Variants in WDSUB1 observed in about 807,000 individuals in gnomAD.
The protein encoded by WDSUB1 is WD repeat, sterile alpha motif and U-box domain containing 1, also known as WD repeat, SAM and U-box domain-containing protein 1.
A neutral mutation model predicts 53.9 loss-of-function variants in WDSUB1; 49 were observed. That is an observed-to-expected ratio of 0.91 (90% confidence interval 0.72 to 1.15). WDSUB1 has a LOEUF of 1.15. Among genes scored for constraint, WDSUB1 ranks in the 50% most tolerant of loss-of-function variants. The pLI is 0.00. For synonymous variants in WDSUB1, 194 were observed against 200.6 expected (o/e 0.97, Z 0.28); for missense variants, 514 against 562.0 (o/e 0.91, Z 0.86).
chr2:159,271,352 T>C (rs571757531), intron 5 of WDSUB1, among the ~76,000 whole-genome samples: 11 of 152,258 alleles, frequency 7.2e-5, no homozygotes, highest in African/African-American at 2.4e-4. Context: ...ATCCATGCCA[T>C]GGAATATTAC....
rs184839656 is a variant in WDSUB1 at position 159,278,589 on chromosome 2, G to A, written c.583+1172C>T. 5.3e-5 allele frequency among the ~76,000 whole-genome samples: 8 copies of A among 152,296 alleles called. No homozygotes were observed. In the East Asian group the frequency reaches 1.5e-3, roughly 29 times the overall value. ...TTTAATGCAGGGGTTAAGATCAGGA[G>A]AGACTTATCTTTAGTGATTTTCAGC... On this transcript the variant is annotated intron_variant, in intron 3 of 10. Coordinates refer to ENST00000359774, the MANE Select transcript of WDSUB1 (RefSeq NM_001128212.3).
Position 159,248,474 on chromosome 2 carries a change from C to G in WDSUB1, c.1171G>C (p.Glu391Gln). Residue 391 changes from glutamate (E) to glutamine (Q), a missense_variant, in exon 10 of 11, where the codon GAA becomes CAA. Glu to Gln is a conservative substitution (Grantham distance 29). Coordinates refer to ENST00000359774, the MANE Select transcript of WDSUB1 (RefSeq NM_001128212.3). ...GATTTAACCTTGGTCCTGAGCTCTT[C>G]AATTTTCCTCAGCACTTTACTACGC... ...GLRSKVLRKI[E>Q]ELRTKVKSLS... The G allele has an allele frequency of 6.3e-7, 1 of 1,577,630 alleles. No individual in the cohort carries two copies. Among genetic ancestry groups the G allele is most frequent in the Non-Finnish European group, 8.6e-7 (1 of 1,168,026 alleles).
intron 3 of WDSUB1, among the ~76,000 whole-genome samples, chr2:159,278,357 C>T (rs1409799033): frequency 6.6e-6 from 1 of 152,176 alleles, no homozygotes; most frequent in Non-Finnish European, 1.5e-5. Context: ...AGGAATCTTA[C>T]TCATCAATCT....
At chr2:159,281,431 T>C (rs886593169) in intron 2 of WDSUB1, among the ~76,000 whole-genome samples, 9 of 152,184 alleles carry the variant, frequency 5.9e-5, no homozygotes, top group African/African-American at 1.9e-4. Flanking sequence ...CTGTTACGTA[T>C]ATTTTGCCAC....
At chr2:159,258,705 C>T (rs2061123530) in intron 6 of WDSUB1, among the ~76,000 whole-genome samples, 1 of 152,112 alleles carries the variant, frequency 6.6e-6, no homozygotes, top group South Asian at 2.1e-4. Flanking sequence ...ACTAAGGTGT[C>T]CATCTAACAT....
intron 9 of WDSUB1, among the ~76,000 whole-genome samples, chr2:159,255,742 A>C (rs1408431002): frequency 6.6e-6 from 1 of 152,242 alleles, no homozygotes; most frequent in Non-Finnish European, 1.5e-5. Flanking sequence ...ATAAATCTCA[A>C]CATGAATATC....
chr2:159,275,529 C>T lies in WDSUB1; in HGVS notation c.676+17G>A. ...GACCACAAATAATTTTAGAGAAGCA[C>T]TATTTGGCATACATACCTAAGATAT... is the stretch of plus-strand genomic sequence containing the variant. On this transcript the variant is annotated intron_variant, in intron 4 of 10. Coordinates refer to ENST00000359774, the MANE Select transcript of WDSUB1 (RefSeq NM_001128212.3). The T allele has an allele frequency of 1.3e-6, 2 of 1,554,906 alleles. No homozygotes were observed. The highest frequency in any genetic ancestry group is 2.3e-5 in the East Asian group (1 of 42,934).
chr2:159,276,743 G>A (rs1225450299), intron 3 of WDSUB1, among the ~76,000 whole-genome samples: 2 of 152,164 alleles, frequency 1.3e-5, no homozygotes, highest in Non-Finnish European at 2.9e-5. Flanking sequence ...AATTGAGGCT[G>A]GGCATGGTGG....
In WDSUB1 at chr2:159,257,799, GT is replaced by G; in HGVS notation, c.910del (p.Thr304GlnfsTer2). ...CAGGTCAAATTGCCAGATGTTCACT[GT>G]TTTGTCCATTGAACCAGTAGCAAGT... Reference protein sequence around the residue: ...LLLATGSMDKTVNIWQFDLET... With the variant: ...LLLATGSMDKXVNIWQFDLET... On this transcript the variant is annotated frameshift_variant, in exon 8 of 11. Coordinates refer to ENST00000359774, the MANE Select transcript of WDSUB1 (RefSeq NM_001128212.3). LOFTEE classifies it high-confidence loss of function. 1 of 1,614,196 alleles carries G rather than the reference GT, an allele frequency of 6.2e-7. No homozygotes were observed. Among genetic ancestry groups the G allele is most frequent in the South Asian group, 1.1e-5 (1 of 91,078 alleles).
chr2:159,244,638 CT>C (rs2060745547), intron 10 of WDSUB1, among the ~76,000 whole-genome samples: 8 of 152,158 alleles, frequency 5.3e-5, no homozygotes, highest in African/African-American at 1.9e-4. Flanking sequence ...AAAATATGAG[CT>C]ACTGGCCAGG....
At chr2:159,264,674 T>C (rs1476649382) in intron 5 of WDSUB1, among the ~76,000 whole-genome samples, 1 of 152,174 alleles carries the variant, frequency 6.6e-6, no homozygotes, top group Non-Finnish European at 1.5e-5. Context: ...TGATCTGCAC[T>C]GGCAGGGGAA....
chr2:159,266,244 G>A (rs1036741113), intron 5 of WDSUB1, among the ~76,000 whole-genome samples: 1 of 151,806 alleles, frequency 6.6e-6, no homozygotes, highest in Admixed American at 6.6e-5. Context: ...GCTGGAGTGT[G>A]GTGGCACGAT....
At chr2:159,275,896 G>T (rs2061530067) in intron 3 of WDSUB1, among the ~76,000 whole-genome samples, 1 of 152,164 alleles carries the variant, frequency 6.6e-6, no homozygotes, top group African/African-American at 2.4e-5. Flanking sequence ...ACTCAAGGCT[G>T]CAAGGACCAA....
At chr2:159,280,123 T>C (rs1372769284) in intron 2 of WDSUB1, among the ~76,000 whole-genome samples, 178 bp from the exon 3 acceptor site, 1 of 152,200 alleles carries the variant, frequency 6.6e-6, no homozygotes, top group African/African-American at 2.4e-5. Context: ...AACTGAGATA[T>C]ACTGTCTAAA....
In WDSUB1 at chr2:159,241,737, G is replaced by A. The variant is rs192363867; in HGVS notation, c.1274-5547C>T. ...CTTTTTTCTTTTTTTTTTTGAGATGGAGTCTCACATTGTCGCCGGGGCTAG... is the reference window on the plus strand; with the variant it reads ...CTTTTTTCTTTTTTTTTTTGAGATGAAGTCTCACATTGTCGCCGGGGCTAG... On this transcript the variant is annotated intron_variant, in intron 10 of 10. Coordinates refer to ENST00000359774, the MANE Select transcript of WDSUB1 (RefSeq NM_001128212.3). Among the ~76,000 whole-genome samples, 18 of 53,064 alleles carry A rather than the reference G, an allele frequency of 3.4e-4. 3 individuals carry two copies. Among genetic ancestry groups the A allele is most frequent in the African/African-American group, 1.0e-3 (17 of 16,198 alleles). The allele number at this position is 53,064 out of a possible 152,430, so 34.8% of individuals were successfully genotyped here. A position where few individuals can be genotyped will look rare whatever the true frequency, so the allele number is the denominator to read the frequency against.
chr2:159,267,005 G>A (rs947381659), intron 5 of WDSUB1, among the ~76,000 whole-genome samples: 4 of 149,884 alleles, frequency 2.7e-5, no homozygotes, highest in African/African-American at 7.4e-5. Context: ...ACTCCTGGGC[G>A]CAAGTGATCC....
At chr2:159,268,525 G>GA (rs1437290733) in intron 5 of WDSUB1, among the ~76,000 whole-genome samples, 11 of 152,114 alleles carry the variant, frequency 7.2e-5, no homozygotes, top group Non-Finnish European at 1.5e-4. Context: ...GGAGCATATG[G>GA]AAAAAAAGAA....
At chr2:159,244,126 A>G (rs891580403) in intron 10 of WDSUB1, among the ~76,000 whole-genome samples, 37 of 152,366 alleles carry the variant, frequency 2.4e-4, no homozygotes, top group Non-Finnish European at 4.1e-4. Context: ...ATCATACTTA[A>G]TGGTGAAAGT....
At chr2:159,248,669 G>A (rs76043070) in intron 9 of WDSUB1, among the ~76,000 whole-genome samples, 157 bp from the exon 10 acceptor site, 2,900 of 152,180 alleles carry the variant, frequency 0.019, 107 homozygotes, top group African/African-American at 0.066. Context: ...GTGGCAAAAC[G>A]ATCACCACTC....
Sources: gnomAD v4.1 joint callset for allele counts (sites outside exome capture counted in the v4.1 genomes callset) on GRCh38, gnomAD v4.1.1 for gene constraint, MANE v1.5 for transcripts, NCBI Gene and HGNC (gene_info 2026-07-23, HGNC 2026-07-21) for gene names.